ANK3: variants seen among roughly 807,000 people sequenced by gnomAD.
ANK3 encodes the protein ankyrin 3.
In ANK3, 57 loss-of-function variants were observed where a neutral mutation model predicts 370.9. The observed-to-expected ratio is 0.15, with a 90% CI of 0.12 to 0.19. The LOEUF is 0.19. ANK3 is among the 10% of genes least tolerant of loss of function. ANK3 has a pLI of 1.00. For synonymous variants in ANK3, 1,929 were observed against 1,946.3 expected (o/e 0.99, Z 0.23); for missense variants, 4,439 against 5,302.1 (o/e 0.84, Z 5.06).
intron 1 of ANK3, among the ~76,000 whole-genome samples, chr10:60,322,801 G>GA (rs2048955368): frequency 1.3e-5 from 2 of 149,036 alleles, no homozygotes; most frequent in Admixed American, 6.7e-5. Flanking sequence ...CCTATGGGGG[G>GA]GAAAAAAAAT....
intron 2 of ANK3, among the ~76,000 whole-genome samples, chr10:60,566,543 G>A (rs1385166396): frequency 2.0e-5 from 3 of 152,218 alleles, no homozygotes; most frequent in South Asian, 2.1e-4. Flanking sequence ...CCTTATTGCT[G>A]CTAGGGAGAA....
chr10:60,560,065 A>C (rs2077299092), intron 2 of ANK3, among the ~76,000 whole-genome samples: 1 of 152,104 alleles, frequency 6.6e-6, no homozygotes, highest in South Asian at 2.1e-4. Context: ...AGATAGATGG[A>C]TAGAGAGAGA....
chr10:60,172,625 G>A (rs566153332), intron 20 of ANK3, among the ~76,000 whole-genome samples: 136 of 152,310 alleles, frequency 8.9e-4, no homozygotes, highest in Admixed American at 2.9e-3. Context: ...AACGTTCTAA[G>A]TAAGCAATCA....
chr10:60,675,794 A>G (rs1038614632), intron 1 of ANK3, among the ~76,000 whole-genome samples: 2 of 152,234 alleles, frequency 1.3e-5, no homozygotes, highest in African/African-American at 4.8e-5. Context: ...TCAGATTTCA[A>G]ATGGACTCCA....
intron 1 of ANK3, among the ~76,000 whole-genome samples, chr10:60,283,713 C>G (rs546492978): frequency 6.6e-6 from 1 of 152,146 alleles, no homozygotes; most frequent in East Asian, 1.9e-4. Context: ...AATCTAGTAA[C>G]TCAGCATCTT....
intron 2 of ANK3, among the ~76,000 whole-genome samples, chr10:60,444,710 GT>G (rs2064395954): frequency 6.6e-6 from 1 of 151,946 alleles, no homozygotes; most frequent in Admixed American, 6.6e-5. Context: ...TTTTAAGCAA[GT>G]TCTTAAATTG....
chr10:60,431,655 G>T (rs1208221658), intron 2 of ANK3, among the ~76,000 whole-genome samples: 2 of 152,166 alleles, frequency 1.3e-5, no homozygotes, highest in South Asian at 2.1e-4. Context: ...TAGCTGGTGG[G>T]GGGGCTAGGG....
chr10:60,420,590 T>TA (rs56775041), intron 2 of ANK3, among the ~76,000 whole-genome samples: 588 of 148,702 alleles, frequency 4.0e-3, no homozygotes, highest in Admixed American at 4.9e-3. Flanking sequence ...GGGCATATAT[T>TA]AAAAAAAAAA....
chr10:60,572,900 AAGAG>A (rs890676558), intron 2 of ANK3: 1 of 1,019,638 alleles, frequency 9.8e-7, no homozygotes, highest in Non-Finnish European at 1.2e-6. Flanking sequence ...GAGAGAGAGA[AAGAG>A]AGAGAGAGAC....
Position 60,055,764 on chromosome 10 carries a change from G to T in ANK3, c.12959C>A (p.Pro4320His). ...CTTTTTCATACTGACAGGCACACAG[G>T]GTTTAGTCTCTTCTATTATAAGCTT... is the stretch of plus-strand genomic sequence containing the variant. The part of the protein sequence containing the change: ...TSKLIIEETK[P>H]CVPVSMKKMS... Residue 4320 changes from proline to histidine, a missense_variant, in exon 42 of 44, where the codon CCC becomes CAC. Pro to His is a moderately conservative substitution (Grantham distance 77). Around this residue, in one of 13 missense-constraint regions of ANK3, gnomAD observed 242 missense variants for 228.0 expected, o/e 1.06. Coordinates refer to ENST00000280772, the MANE Select transcript of ANK3 (RefSeq NM_020987.5). 6.2e-7 allele frequency: 1 copy of T among 1,614,126 alleles called. No individual in the cohort carries two copies. Among genetic ancestry groups the T allele is most frequent in the Non-Finnish European group, 8.5e-7 (1 of 1,180,012 alleles).
intron 2 of ANK3, among the ~76,000 whole-genome samples, chr10:60,593,336 A>T (rs1567169501): frequency 6.6e-6 from 1 of 152,174 alleles, no homozygotes; most frequent in Non-Finnish European, 1.5e-5. Context: ...TGTTTTAATC[A>T]AAACATACAA....
chr10:60,704,044 T>C (rs1480642967), intron 1 of ANK3, among the ~76,000 whole-genome samples: 1 of 152,206 alleles, frequency 6.6e-6, no homozygotes, highest in Non-Finnish European at 1.5e-5. Flanking sequence ...TCTTAGGCCA[T>C]TGCTTTTGGA....
chr10:60,452,081 C>T (rs2064621133), intron 2 of ANK3, among the ~76,000 whole-genome samples: 1 of 152,220 alleles, frequency 6.6e-6, no homozygotes, highest in Admixed American at 6.5e-5. Context: ...TGTAAATTCA[C>T]TGAAAATGTT....
chr10:60,333,991 A>G (rs1487049069), intron 1 of ANK3, among the ~76,000 whole-genome samples: 2 of 152,108 alleles, frequency 1.3e-5, no homozygotes, highest in Non-Finnish European at 2.9e-5. Flanking sequence ...GTATACATGT[A>G]TTGGTTAGTT....
At chr10:60,432,868 G>A (rs1046543189) in intron 2 of ANK3, among the ~76,000 whole-genome samples, 1 of 152,098 alleles carries the variant, frequency 6.6e-6, no homozygotes, top group Non-Finnish European at 1.5e-5. Context: ...GTCATTTACA[G>A]AATAAATATC....
At chr10:60,112,424 CA>C (rs2092781106) in intron 26 of ANK3, among the ~76,000 whole-genome samples, 2 of 152,058 alleles carry the variant, frequency 1.3e-5, no homozygotes, top group South Asian at 4.1e-4. Flanking sequence ...ATATTTTTAG[CA>C]GTTTAAAATT....
chr10:60,403,394 G>A (rs892321656), intron 2 of ANK3, among the ~76,000 whole-genome samples: 1 of 152,078 alleles, frequency 6.6e-6, no homozygotes, highest in South Asian at 2.1e-4. Flanking sequence ...TTACAGATAT[G>A]CACACATACA....
chr10:60,146,818 T>G lies in ANK3; in HGVS notation c.2615-7731A>C, dbSNP rs905792980. Among the ~76,000 whole-genome samples the G allele has an allele frequency of 3.4e-4, 51 of 152,220 alleles. 3 individuals carry two copies. On this transcript the variant is annotated intron_variant, in intron 23 of 43. Transcript: ENST00000280772. The stretch of plus-strand genomic sequence containing the variant: ...CATTCAACATTTAGACGATAAATTC[T>G]CAGCCTAGAGAATCCAAATGACATA...
intron 28 of ANK3, among the ~76,000 whole-genome samples, chr10:60,091,143 G>A (rs183280870): frequency 9.8e-5 from 15 of 152,300 alleles, no homozygotes; most frequent in Non-Finnish European, 1.9e-4. Flanking sequence ...GACCTCAGGT[G>A]ATCCCCCCAA....
Sources: gnomAD v4.1 joint callset for allele counts (sites outside exome capture counted in the v4.1 genomes callset) on GRCh38, gnomAD v4.1.1 for gene constraint, gnomAD v4.1.1 regional missense constraint, MANE v1.5 for transcripts, NCBI Gene and HGNC (gene_info 2026-07-23, HGNC 2026-07-21) for gene names.